VWA2: variants seen among roughly 807,000 people sequenced by gnomAD.
The protein encoded by VWA2 is von Willebrand factor A domain containing 2.
A neutral mutation model predicts 70.4 loss-of-function variants in VWA2; 73 were observed. The observed-to-expected ratio is 1.04, with a 90% CI of 0.86 to 1.26. The LOEUF is 1.26. Among genes scored for constraint, VWA2 ranks in the 50% most tolerant of loss-of-function variants. The pLI is 0.00. For missense variants in VWA2, 1,011 were observed against 998.5 expected (o/e 1.01, Z -0.17); for synonymous variants, 407 against 423.3 (o/e 0.96, Z 0.47).
intron 5 of VWA2, 61 bp downstream of exon 5, chr10:114,261,356 C>T (rs2037441648): frequency 2.1e-6 from 3 of 1,433,066 alleles, no homozygotes; most frequent in East Asian, 2.3e-5. Context: ...AAATTGCTCC[C>T]TTGAAGGGTT....
At chr10:114,268,223 T>G in intron 5 of VWA2, among the ~76,000 whole-genome samples, 1 of 150,730 alleles carries the variant, frequency 6.6e-6, no homozygotes, top group African/African-American at 2.4e-5. Context: ...AGCAAAATGT[T>G]TTGATTCTAG....
chr10:114,248,358 C>T (rs1317698375), intron 1 of VWA2, among the ~76,000 whole-genome samples: 1 of 152,144 alleles, frequency 6.6e-6, no homozygotes, highest in African/African-American at 2.4e-5. Flanking sequence ...CCCAGGGTCA[C>T]GTGGCTAGTC....
At chr10:114,287,779 C>T (rs1411598528) in intron 11 of VWA2, among the ~76,000 whole-genome samples, 1 of 152,206 alleles carries the variant, frequency 6.6e-6, no homozygotes, top group Non-Finnish European at 1.5e-5. Context: ...GTTTCCCCTC[C>T]TATTAACACC....
chr10:114,258,397 A>C (rs185885300), intron 4 of VWA2, among the ~76,000 whole-genome samples: 95 of 152,296 alleles, frequency 6.2e-4, no homozygotes, highest in African/African-American at 2.2e-3. Context: ...TGAGAGGTTC[A>C]CTTCCTGGCT....
intron 4 of VWA2, 137 bp downstream of exon 4, chr10:114,255,185 T>A: frequency 1.8e-6 from 2 of 1,082,408 alleles, no homozygotes; most frequent in South Asian, 3.2e-5. Context: ...GTTCCTGGCA[T>A]GGTGGGATCC....
chr10:114,253,764 C>T (rs1487255787), intron 3 of VWA2, 39 bp downstream of exon 3: 1 of 1,571,364 alleles, frequency 6.4e-7, no homozygotes, highest in South Asian at 1.1e-5. Context: ...GATGCCCACT[C>T]AGACCTCTGT....
At chr10:114,257,924 C>T (rs571354541) in intron 4 of VWA2, among the ~76,000 whole-genome samples, 42 of 152,254 alleles carry the variant, frequency 2.8e-4, no homozygotes, top group Non-Finnish European at 2.9e-5. Flanking sequence ...TGAGGGAACA[C>T]GATTATCATT....
At chr10:114,246,079 C>A in intron 1 of VWA2, 5 of 470,468 alleles carry the variant, frequency 1.1e-5, no homozygotes, top group South Asian at 6.3e-5. Flanking sequence ...GCCCCCCGCC[C>A]AAGATGATTG....
At chr10:114,274,161 G>T (rs1437991581) in intron 6 of VWA2, among the ~76,000 whole-genome samples, 1 of 152,252 alleles carries the variant, frequency 6.6e-6, no homozygotes, top group Admixed American at 6.5e-5. Flanking sequence ...AGCCCAGCAA[G>T]CAAGTGGCAG....
intron 13 of VWA2, among the ~76,000 whole-genome samples, chr10:114,290,788 T>C (rs2039514066): frequency 1.3e-5 from 2 of 152,060 alleles, no homozygotes; most frequent in Non-Finnish European, 2.9e-5. Context: ...CTGGAAGCTC[T>C]TTTTGGGGTG....
chr10:114,291,137 T>C (rs1160730073), intron 13 of VWA2, 81 bp from the exon 14 acceptor site: 10 of 1,502,314 alleles, frequency 6.7e-6, no homozygotes, highest in Non-Finnish European at 9.1e-6. Flanking sequence ...GAGCAGGACC[T>C]GAAGGGGTCC....
rs570510812 is a variant in VWA2, at chr10:114,246,505, C to CAAAAAAAAAAAAAAA, written c.-10-2193_-10-2179dup. 4.1e-4 allele frequency: 159 copies of CAAAAAAAAAAAAAAA among 384,952 alleles called. 1 individual carries two copies. The highest frequency in any genetic ancestry group is 7.3e-4 in the Middle Eastern group (1 of 1,362). 23.8% of individuals were successfully genotyped at this position (384,952 alleles called of 1,614,324 possible). On this transcript the variant is annotated intron_variant, in intron 1 of 13. Coordinates refer to ENST00000392982, the MANE Select transcript of VWA2 (RefSeq NM_001272046.2). ...AACAAGAGTGAAAGAAACTCCATCT[C>CAAAAAAAAAAAAAAA]AAAAAAAAAAAAAAAAAAAACGAGT...
intron 4 of VWA2, among the ~76,000 whole-genome samples, chr10:114,258,425 G>A (rs1349738494): frequency 6.6e-6 from 1 of 152,136 alleles, no homozygotes; most frequent in African/African-American, 2.4e-5. Context: ...AGTGACTGGG[G>A]CAGAGTGATT....
intron 9 of VWA2, 99 bp from the exon 10 acceptor site, chr10:114,284,764 C>T: frequency 8.5e-7 from 1 of 1,179,600 alleles, no homozygotes; most frequent in Non-Finnish European, 1.2e-6. Flanking sequence ...GGCTGGGCCA[C>T]TGCTAGAGCA....
intron 10 of VWA2, 86 bp downstream of exon 10, chr10:114,285,056 G>C: frequency 8.8e-7 from 1 of 1,135,126 alleles, no homozygotes; most frequent in Non-Finnish European, 1.2e-6. Context: ...CCTTCCAGCT[G>C]CTGGGTAGAA....
At chr10:114,254,082 T>G (rs1215856914) in intron 3 of VWA2, among the ~76,000 whole-genome samples, 2 of 151,852 alleles carry the variant, frequency 1.3e-5, no homozygotes, top group Non-Finnish European at 2.9e-5. Flanking sequence ...TTTTTTGTTT[T>G]GTTTTAAAGA....
intron 5 of VWA2, among the ~76,000 whole-genome samples, chr10:114,266,512 C>T (rs1323298066): frequency 6.6e-6 from 1 of 152,070 alleles, no homozygotes; most frequent in Non-Finnish European, 1.5e-5. Context: ...CCGAGGCAGT[C>T]CCCCAAAAGT....
At chr10:114,253,770 T>C in intron 3 of VWA2, 45 bp downstream of exon 3, 2 of 1,542,914 alleles carry the variant, frequency 1.3e-6, no homozygotes, top group Non-Finnish European at 1.8e-6. Flanking sequence ...CACTCAGACC[T>C]CTGTGTGATG....
Position 114,292,417 on chromosome 10 carries a change from G to T in VWA2, c.*1180G>T, listed in dbSNP as rs1208669105. Among the ~76,000 whole-genome samples, 1 of 151,882 alleles carries T rather than the reference G, an allele frequency of 6.6e-6. No homozygotes were observed. Among genetic ancestry groups the T allele is most frequent in the African/African-American group, 2.4e-5 (1 of 41,344 alleles). On this transcript the variant is annotated 3_prime_UTR_variant, in exon 14 of 14. Coordinates refer to ENST00000392982, the MANE Select transcript of VWA2 (RefSeq NM_001272046.2). ...GGATAAAGAAACTTACAGAGATTTTGCTTTTTAAAGCATTGATCTTACGCT... is the reference window on the plus strand; with the variant it reads ...GGATAAAGAAACTTACAGAGATTTTTCTTTTTAAAGCATTGATCTTACGCT...
Sources: gnomAD v4.1 joint callset for allele counts (sites outside exome capture counted in the v4.1 genomes callset) on GRCh38, gnomAD v4.1.1 for gene constraint, MANE v1.5 for transcripts, NCBI Gene and HGNC (gene_info 2026-07-23, HGNC 2026-07-21) for gene names.